The following USH2A variants were observed in gnomAD, a reference collection of about 807,000 sequenced individuals.
The protein encoded by USH2A is usherin.
USH2A carries 443 observed loss-of-function variants against 538.9 expected under a neutral mutation model. That is an observed-to-expected ratio of 0.82 (90% confidence interval 0.76 to 0.89). USH2A has a LOEUF of 0.89. Among genes scored for constraint, USH2A ranks in the 40% least tolerant of loss-of-function variants. The pLI is 0.00. For missense variants in USH2A, 6,633 were observed against 6,324.8 expected (o/e 1.05, Z -1.65); for synonymous variants, 2,413 against 2,273.5 (o/e 1.06, Z -1.75).
intron 13 of USH2A, among the ~76,000 whole-genome samples, chr1:216,240,013 CAAAAAAA>C (rs55691066): frequency 4.8e-4 from 54 of 112,282 alleles, no homozygotes; most frequent in South Asian, 9.1e-4. Flanking sequence ...ATGAAATAAA[CAAAAAAA>C]AAAAAAAAAA....
chr1:215,884,737 C>T (rs557517006), intron 41 of USH2A, among the ~76,000 whole-genome samples: 1 of 152,292 alleles, frequency 6.6e-6, no homozygotes, highest in African/African-American at 2.4e-5. Context: ...TAAGACTCAA[C>T]TTCTTTTACT....
chr1:216,020,373 T>C (rs1668819742), intron 32 of USH2A, among the ~76,000 whole-genome samples: 1 of 152,126 alleles, frequency 6.6e-6, no homozygotes, highest in Non-Finnish European at 1.5e-5. Flanking sequence ...CCACATCCGA[T>C]CAGTTGAAAG....
chr1:215,801,973 T>C (rs1662347340), intron 49 of USH2A, among the ~76,000 whole-genome samples: 1 of 150,786 alleles, frequency 6.6e-6, no homozygotes, highest in African/African-American at 2.4e-5. Flanking sequence ...CTTGCATATA[T>C]GGGCAAATGA....
chr1:215,842,777 A>G (rs898832742), intron 46 of USH2A, among the ~76,000 whole-genome samples: 2 of 152,046 alleles, frequency 1.3e-5, no homozygotes, highest in Non-Finnish European at 2.9e-5. Context: ...ACATGGACAC[A>G]GCGAGGGGAA....
At chr1:215,889,350 A>T (rs1271406694) in intron 40 of USH2A, among the ~76,000 whole-genome samples, 2 of 149,664 alleles carry the variant, frequency 1.3e-5, no homozygotes, top group East Asian at 1.9e-4. Context: ...ATGAGGATTT[A>T]AAAAAATAAA....
chr1:215,762,236 ATTAAT>A (rs972691688), intron 56 of USH2A, among the ~76,000 whole-genome samples: 6 of 152,156 alleles, frequency 3.9e-5, no homozygotes, highest in Non-Finnish European at 7.3e-5. Context: ...TAAATGTGAT[ATTAAT>A]TTGTTGATTC....
intron 3 of USH2A, among the ~76,000 whole-genome samples, chr1:216,405,105 C>T (rs12744284): frequency 2.6e-5 from 4 of 152,176 alleles, no homozygotes; most frequent in African/African-American, 9.7e-5. Flanking sequence ...ATTCACCCAC[C>T]TCAGCATCCT....
intron 43 of USH2A, among the ~76,000 whole-genome samples, chr1:215,873,142 T>C: frequency 6.6e-6 from 1 of 150,648 alleles, no homozygotes; most frequent in Admixed American, 6.6e-5. Context: ...AAAAATCCAA[T>C]GGGAAAAAAC....
chr1:216,138,589 A>G (rs2033533385), intron 21 of USH2A, among the ~76,000 whole-genome samples: 1 of 151,888 alleles, frequency 6.6e-6, no homozygotes, highest in Non-Finnish European at 1.5e-5. Flanking sequence ...TTTTTGGCTC[A>G]TCCTTGCTTT....
At chr1:216,329,653 C>T (rs1425467079) in intron 4 of USH2A, among the ~76,000 whole-genome samples, 1 of 152,064 alleles carries the variant, frequency 6.6e-6, no homozygotes, top group Non-Finnish European at 1.5e-5. Flanking sequence ...TGCCCCACAA[C>T]CTTCAGGCTC....
chr1:215,916,461 C>T (rs17642190), intron 38 of USH2A, among the ~76,000 whole-genome samples: 20,663 of 152,026 alleles, frequency 0.14, 1,527 homozygotes, highest in Non-Finnish European at 0.15. Flanking sequence ...TGGTCTTTCA[C>T]GTACATATTT....
intron 37 of USH2A, among the ~76,000 whole-genome samples, chr1:215,964,423 G>C (rs1667281591): frequency 6.6e-6 from 1 of 152,130 alleles, no homozygotes; most frequent in Non-Finnish European, 1.5e-5. Flanking sequence ...ATTTAGAAAA[G>C]CCTGTTTTTT....
At chr1:216,165,585 A>G (rs142785864) in intron 21 of USH2A, among the ~76,000 whole-genome samples, 120 of 152,340 alleles carry the variant, frequency 7.9e-4, no homozygotes, top group African/African-American at 2.8e-3. Flanking sequence ...GGATTTAAAA[A>G]TGTGAACTAT....
At chr1:216,292,424 A>G (rs886491895) in intron 9 of USH2A, 54 bp from the exon 10 acceptor site, 11 of 1,572,764 alleles carry the variant, frequency 7.0e-6, no homozygotes, top group Non-Finnish European at 9.5e-6. Context: ...ATTTTCTTTC[A>G]TTTTATTGAT....
At chr1:216,286,748 T>A (rs891544074) in intron 11 of USH2A, among the ~76,000 whole-genome samples, 1 of 151,746 alleles carries the variant, frequency 6.6e-6, no homozygotes, top group Non-Finnish European at 1.5e-5. Context: ...AATAAATAAA[T>A]AAAAACCTAT....
intron 63 of USH2A, 51 bp from the exon 64 acceptor site, chr1:215,671,344 T>G (rs374534503): frequency 6.3e-7 from 1 of 1,586,460 alleles, no homozygotes; most frequent in Admixed American, 1.7e-5. Context: ...TAGATTTTCA[T>G]GGGAAGAATC....
At chr1:216,367,957 CA>C (rs1443440957) in intron 3 of USH2A, among the ~76,000 whole-genome samples, 3 of 152,152 alleles carry the variant, frequency 2.0e-5, no homozygotes, top group African/African-American at 7.2e-5. Flanking sequence ...CCTATGAGGA[CA>C]AGAGGAGCTC....
intron 21 of USH2A, among the ~76,000 whole-genome samples, chr1:216,108,728 T>G (rs531850704): frequency 6.6e-6 from 1 of 152,180 alleles, no homozygotes; most frequent in Non-Finnish European, 1.5e-5. Context: ...ACTGACCAAT[T>G]TGCTATTATA....
chr1:215,925,421 A>T (rs547255101), intron 38 of USH2A, among the ~76,000 whole-genome samples: 61 of 152,318 alleles, frequency 4.0e-4, no homozygotes, highest in Non-Finnish European at 7.8e-4. Context: ...CACATTTGGA[A>T]GATATACACA....
Sources: gnomAD v4.1 joint callset for allele counts (sites outside exome capture counted in the v4.1 genomes callset) on GRCh38, gnomAD v4.1.1 for gene constraint, MANE v1.5 for transcripts, NCBI Gene and HGNC (gene_info 2026-07-23, HGNC 2026-07-21) for gene names.